Variants in SLC5A12 observed in about 807,000 individuals in gnomAD.
The protein encoded by SLC5A12 is sodium-coupled monocarboxylate transporter 2.
Under a neutral mutation model 72.7 loss-of-function variants are expected in SLC5A12, and 46 were observed. The observed-to-expected ratio is 0.63, with a 90% CI of 0.50 to 0.81. SLC5A12 has a LOEUF of 0.81. SLC5A12 is among the 30% of genes least tolerant of loss of function. The probability of loss-of-function intolerance (pLI) is 0.00; values close to 1 mark genes in which losing one functional copy is unlikely to be tolerated. For synonymous variants in SLC5A12, 275 were observed against 264.4 expected, an observed-to-expected ratio of 1.04 and a Z score of -0.39; for missense variants, 683 against 740.7, an observed-to-expected ratio of 0.92 and a Z score of 0.90.
intron 7 of SLC5A12, among the ~76,000 whole-genome samples, chr11:26,698,132 A>T (rs1453517256): frequency 6.6e-6 from 1 of 151,910 alleles, no homozygotes; most frequent in Non-Finnish European, 1.5e-5. Context: ...TCCTGAGCTC[A>T]GGTGATCTGC....
chr11:26,702,769 T>A (rs1220436014), intron 6 of SLC5A12, among the ~76,000 whole-genome samples: 1 of 152,168 alleles, frequency 6.6e-6, no homozygotes, highest in African/African-American at 2.4e-5. Context: ...CCTTGGAAAC[T>A]TTAAGAGTAC....
At chr11:26,705,471 G>C (rs1175301897) in intron 4 of SLC5A12, among the ~76,000 whole-genome samples, 2 of 152,248 alleles carry the variant, frequency 1.3e-5, no homozygotes, top group Middle Eastern at 6.8e-3. Context: ...TTAGTGAAAA[G>C]ATGACAGGCT....
Position 26,679,245 on chromosome 11 carries a change from T to C in SLC5A12, c.1476-430A>G, listed in dbSNP as rs4462290. 2.6e-5 allele frequency among the ~76,000 whole-genome samples: 4 copies of C among 151,970 alleles called. No individual in the cohort carries two copies. The East Asian group carries it at 7.8e-4, about 30-fold the overall frequency. The stretch of plus-strand genomic sequence containing the variant: ...TTGCCTCAGTAGAAAAGGTATAAAA[T>C]ACTATGGCAGCCTTCAGAGTAGTAT... On this transcript the variant is annotated intron_variant, in intron 12 of 14. Coordinates refer to ENST00000396005, the MANE Select transcript of SLC5A12 (RefSeq NM_178498.4).
intron 13 of SLC5A12, among the ~76,000 whole-genome samples, chr11:26,676,691 C>T (rs1590706570): frequency 6.6e-6 from 1 of 152,088 alleles, no homozygotes; most frequent in South Asian, 2.1e-4. Context: ...TAACTTTCAG[C>T]CATCCAGCAG....
upstream of SLC5A12, among the ~76,000 whole-genome samples, chr11:26,722,259 A>G (rs1855498135): frequency 6.6e-6 from 1 of 152,150 alleles, no homozygotes; most frequent in Middle Eastern, 3.2e-3. Context: ...TGTGCCTGCA[A>G]TTGTCTGAGG....
chr11:26,686,304 T>TTC (rs1854531855), intron 10 of SLC5A12, among the ~76,000 whole-genome samples, 173 bp downstream of exon 10: 1 of 151,672 alleles, frequency 6.6e-6, no homozygotes. Flanking sequence ...AGATAAGTTC[T>TTC]TTTTTTGTGC....
chr11:26,694,749 GC>G (rs1854768775), intron 8 of SLC5A12, among the ~76,000 whole-genome samples: 1 of 152,020 alleles, frequency 6.6e-6, no homozygotes, highest in African/African-American at 2.4e-5. Context: ...TTTCAAAGAT[GC>G]TAAAATTTTA....
At chr11:26,718,722 C>T (rs1188331600) in intron 1 of SLC5A12, among the ~76,000 whole-genome samples, 2 of 151,916 alleles carry the variant, frequency 1.3e-5, no homozygotes, top group African/African-American at 4.8e-5. Flanking sequence ...CTCCTGACCT[C>T]AGGTGATCCA....
chr11:26,680,585 G>A (rs534771023), intron 12 of SLC5A12, among the ~76,000 whole-genome samples: 5 of 151,596 alleles, frequency 3.3e-5, no homozygotes, highest in African/African-American at 7.3e-5. Flanking sequence ...TGATATATTT[G>A]ATCACTTACC....
chr11:26,673,363 A>T (rs1424043061), intron 14 of SLC5A12, 39 bp downstream of exon 14: 1 of 1,480,192 alleles, frequency 6.8e-7, no homozygotes, highest in Non-Finnish European at 9.0e-7. Context: ...AATCCCTTTG[A>T]GTCCATACAC....
At chr11:26,703,237 C>A (rs574663797) in intron 6 of SLC5A12, among the ~76,000 whole-genome samples, 1 of 152,234 alleles carries the variant, frequency 6.6e-6, no homozygotes, top group South Asian at 2.1e-4. Flanking sequence ...TTGCCACCCA[C>A]AGTACCTAAT....
chr11:26,676,955 AACAGGCCC>A (rs1854280376), intron 13 of SLC5A12, among the ~76,000 whole-genome samples: 1 of 152,150 alleles, frequency 6.6e-6, no homozygotes, highest in East Asian at 1.9e-4. Context: ...ACACAAGGAG[AACAGGCCC>A]ACAAAAGGCC....
intron 11 of SLC5A12, among the ~76,000 whole-genome samples, chr11:26,682,306 C>A (rs1854426689): frequency 6.6e-6 from 1 of 152,106 alleles, no homozygotes; most frequent in Non-Finnish European, 1.5e-5. Context: ...GAAGCCATAC[C>A]AAACACAGGG....
chr11:26,717,249 G>C (rs1199072341), intron 1 of SLC5A12, among the ~76,000 whole-genome samples: 1 of 152,152 alleles, frequency 6.6e-6, no homozygotes, highest in Admixed American at 6.5e-5. Context: ...AGTAGCCCGG[G>C]CATTATCATA....
chr11:26,678,264 A>T (rs1375818180), intron 13 of SLC5A12, among the ~76,000 whole-genome samples: 1 of 152,160 alleles, frequency 6.6e-6, no homozygotes, highest in Admixed American at 6.6e-5. Flanking sequence ...TTATTTACTG[A>T]TTGTTATATT....
chr11:26,689,351 T>C (rs1261278575), intron 9 of SLC5A12, among the ~76,000 whole-genome samples: 1 of 151,980 alleles, frequency 6.6e-6, no homozygotes, highest in African/African-American at 2.4e-5. Flanking sequence ...TGAGTCGAGA[T>C]ATCGCACCAC....
Position 26,721,421 on chromosome 11 carries a change from G to GAAAC in SLC5A12, c.293_294insGTTT (p.Pro101SerfsTer14). The stretch of plus-strand genomic sequence containing the variant: ...CAGATCTGTAGAACACAGGGAGAAA[G>GAAAC]AGCTCTGATGTTAAGAGGATGACAA... On this transcript the variant is annotated frameshift_variant, in exon 1 of 15. Coordinates refer to ENST00000396005, the MANE Select transcript of SLC5A12 (RefSeq NM_178498.4). LOFTEE classifies it high-confidence loss of function. 1 of 1,614,118 alleles carries GAAAC rather than the reference G, an allele frequency of 6.2e-7. No individual in the cohort carries two copies. The highest frequency in any genetic ancestry group is 8.5e-7 in the Non-Finnish European group (1 of 1,180,012).
intron 11 of SLC5A12, among the ~76,000 whole-genome samples, chr11:26,682,135 A>T (rs1352087441): frequency 6.6e-6 from 1 of 151,888 alleles, no homozygotes; most frequent in Non-Finnish European, 1.5e-5. Flanking sequence ...AAGCAACTAT[A>T]GACAATACCC....
chr11:26,705,925 TACACACACACACAC>T (rs71047876), intron 4 of SLC5A12, among the ~76,000 whole-genome samples: 5,295 of 129,680 alleles, frequency 0.041, 178 homozygotes, highest in African/African-American at 0.082. Context: ...TTCTCTGTCA[TACACACACACACAC>T]ACACACACAC....
Sources: gnomAD v4.1 joint callset for allele counts (sites outside exome capture counted in the v4.1 genomes callset) on GRCh38, gnomAD v4.1.1 for gene constraint, MANE v1.5 for transcripts, NCBI Gene and HGNC (gene_info 2026-07-23, HGNC 2026-07-21) for gene names.